BBS7: variants seen among roughly 807,000 people sequenced by gnomAD.
BBS7 encodes the protein BBSome complex member BBS7.
A neutral mutation model predicts 90.3 loss-of-function variants in BBS7; 50 were observed. The ratio of observed to expected loss-of-function variants is 0.55; its 90% CI spans 0.44 to 0.70. The LOEUF (loss-of-function observed/expected upper bound fraction) is 0.70. Among genes scored for constraint, BBS7 ranks in the 30% least tolerant of loss-of-function variants. The pLI is 0.00. For missense variants in BBS7, 729 were observed against 838.9 expected, an observed-to-expected ratio of 0.87 and a Z score of 1.62; for synonymous variants, 235 against 287.4, an observed-to-expected ratio of 0.82 and a Z score of 1.85.
At chr4:121,843,611 T>C (rs1725853185) in intron 12 of BBS7, among the ~76,000 whole-genome samples, 1 of 152,168 alleles carries the variant, frequency 6.6e-6, no homozygotes, top group African/African-American at 2.4e-5. Context: ...TTTTCAAATT[T>C]GGGGTGCTGA....
At chr4:121,834,824 A>G (rs1481900866) in intron 14 of BBS7, among the ~76,000 whole-genome samples, 2 of 152,180 alleles carry the variant, frequency 1.3e-5, no homozygotes, top group African/African-American at 2.4e-5. Flanking sequence ...ATGAGGTCCT[A>G]TTCACAGAGA....
chr4:121,845,443 A>C, intron 11 of BBS7, 61 bp downstream of exon 11: 7 of 1,159,650 alleles, frequency 6.0e-6, no homozygotes, highest in South Asian at 1.3e-5. Flanking sequence ...TAATTAGTAC[A>C]TATGACTGGT....
chr4:121,833,029 C>T (rs1725271044), intron 15 of BBS7, among the ~76,000 whole-genome samples: 1 of 152,084 alleles, frequency 6.6e-6, no homozygotes, highest in African/African-American at 2.4e-5. Flanking sequence ...TTGTTGGGAA[C>T]TTAGGAAATA....
chr4:121,863,076 A>T, intron 3 of BBS7, 141 bp downstream of exon 3: 1 of 747,302 alleles, frequency 1.3e-6, no homozygotes. Context: ...CTACCCGCAG[A>T]CTCATATCTC....
At chr4:121,845,297 G>T (rs1191499354) in intron 11 of BBS7, among the ~76,000 whole-genome samples, 1 of 152,090 alleles carries the variant, frequency 6.6e-6, no homozygotes, top group Non-Finnish European at 1.5e-5. Context: ...GAACCTGGGA[G>T]TCGGAGGTTA....
At chr4:121,842,752 A>G (rs2149065520) in intron 12 of BBS7, among the ~76,000 whole-genome samples, 1 of 152,320 alleles carries the variant, frequency 6.6e-6, no homozygotes, top group Non-Finnish European at 1.5e-5. Flanking sequence ...TCCAGTTACC[A>G]TCTCCTCCTG....
chr4:121,853,357 C>T (rs1726426133), intron 7 of BBS7, among the ~76,000 whole-genome samples: 1 of 152,114 alleles, frequency 6.6e-6, no homozygotes, highest in Non-Finnish European at 1.5e-5. Context: ...TATCTTCTCA[C>T]AGACATCTGC....
chr4:121,863,406 G>C, intron 2 of BBS7, 127 bp from the exon 3 acceptor site: 1 of 746,970 alleles, frequency 1.3e-6, no homozygotes, highest in Non-Finnish European at 2.1e-6. Flanking sequence ...ATCTAGGAAA[G>C]ACACCCCCAC....
At chr4:121,856,521 C>T (rs1377893987) in intron 5 of BBS7, among the ~76,000 whole-genome samples, 1 of 151,904 alleles carries the variant, frequency 6.6e-6, no homozygotes, top group Non-Finnish European at 1.5e-5. Context: ...TCAAGACCAG[C>T]CTGACCAACA....
At chr4:121,835,469 T>C (rs1368940459) in intron 13 of BBS7, among the ~76,000 whole-genome samples, 186 bp from the exon 14 acceptor site, 2 of 152,218 alleles carry the variant, frequency 1.3e-5, no homozygotes, top group African/African-American at 4.8e-5. Flanking sequence ...TGGGACAGAC[T>C]GTAGTACATC....
intron 5 of BBS7, among the ~76,000 whole-genome samples, chr4:121,856,248 C>T (rs970511470): frequency 1.3e-5 from 2 of 152,078 alleles, no homozygotes; most frequent in African/African-American, 4.8e-5. Flanking sequence ...GGCTGAATGA[C>T]CTGCTACTTA....
intron 3 of BBS7, 119 bp downstream of exon 3, chr4:121,863,098 T>C (rs1020029568): frequency 2.1e-6 from 2 of 933,254 alleles, no homozygotes; most frequent in South Asian, 1.5e-5. Flanking sequence ...CATAACTACT[T>C]ACCTCAGAAC....
chr4:121,825,144 G>A lies in BBS7; in HGVS notation c.*716C>T, dbSNP rs1387309885. ...TCTAATTAAGATCCCCCGACTCTGTGTAAGCTCTTCTTATTTCCTGGCTAC... is the reference window on the plus strand; with the variant it reads ...TCTAATTAAGATCCCCCGACTCTGTATAAGCTCTTCTTATTTCCTGGCTAC... On this transcript the variant is annotated 3_prime_UTR_variant, in exon 19 of 19. Transcript: ENST00000264499. 6.6e-6 allele frequency: 1 copy of A among 152,176 alleles called. No individual in the cohort carries two copies. Among genetic ancestry groups the A allele is most frequent in the African/African-American group, 2.4e-5 (1 of 41,434 alleles). The allele number at this position is 152,176 out of a possible 1,614,324, so 9.4% of individuals were successfully genotyped here. A position where few individuals can be genotyped will look rare whatever the true frequency, so the allele number is the denominator to read the frequency against.
intron 3 of BBS7, among the ~76,000 whole-genome samples, chr4:121,862,421 G>C (rs1388993887): frequency 2.6e-5 from 4 of 151,928 alleles, no homozygotes; most frequent in African/African-American, 9.7e-5. Flanking sequence ...CTGAGTTTCT[G>C]GTAGTTTTTA....
chr4:121,826,644 G>A (rs902895350), intron 18 of BBS7, among the ~76,000 whole-genome samples: 72 of 152,312 alleles, frequency 4.7e-4, no homozygotes, highest in African/African-American at 1.7e-3. Flanking sequence ...TACTATTTCT[G>A]GCACAAAATA....
At chr4:121,850,753 G>A (rs908395931) in intron 8 of BBS7, among the ~76,000 whole-genome samples, 3 of 152,078 alleles carry the variant, frequency 2.0e-5, no homozygotes, top group Admixed American at 6.6e-5. Context: ...TTTAAAGGAG[G>A]GAGTGGAAGG....
rs1017648042 is a variant in BBS7, at chr4:121,825,181, C to T, written c.*679G>A. 4 of 152,256 alleles carry T rather than the reference C, an allele frequency of 2.6e-5. No homozygotes were observed. The highest frequency in any genetic ancestry group is 9.7e-5 in the African/African-American group (4 of 41,446). 9.4% of individuals were successfully genotyped at this position (152,256 alleles called of 1,614,324 possible). Reference sequence around the variant, plus strand: ...TATTTCCTGGCTACAATTTATAGCACTGAGCCAAGTCCAGCATTTCCACAA... The same window carrying T: ...TATTTCCTGGCTACAATTTATAGCATTGAGCCAAGTCCAGCATTTCCACAA... On this transcript the variant is annotated 3_prime_UTR_variant, in exon 19 of 19. Transcript: ENST00000264499.
At chr4:121,853,567 C>T (rs1726438075) in intron 7 of BBS7, among the ~76,000 whole-genome samples, 1 of 151,740 alleles carries the variant, frequency 6.6e-6, no homozygotes, top group Non-Finnish European at 1.5e-5. Context: ...ATTCCATCTT[C>T]TCTACCTCCA....
chr4:121,864,517 A>G (rs553789400), intron 2 of BBS7, among the ~76,000 whole-genome samples: 1 of 152,366 alleles, frequency 6.6e-6, no homozygotes, highest in East Asian at 1.9e-4. Flanking sequence ...TATTTTTCAT[A>G]AAGACATGTT....
Sources: allele counts gnomAD v4.1 joint callset (sites outside exome capture counted in the v4.1 genomes callset), GRCh38; gene constraint gnomAD v4.1.1; transcripts MANE v1.5; gene names NCBI Gene and HGNC (gene_info 2026-07-23, HGNC 2026-07-21).